Variants in PAQR3 observed in about 807,000 individuals in gnomAD.
The protein encoded by PAQR3 is progestin and adipoQ receptor family member 3.
A neutral mutation model predicts 41.7 loss-of-function variants in PAQR3; 39 were observed. The ratio of observed to expected loss-of-function variants is 0.93; its 90% confidence interval spans 0.72 to 1.22. The LOEUF (loss-of-function observed/expected upper bound fraction) is 1.22. Among genes scored for constraint, PAQR3 ranks in the 50% most tolerant of loss-of-function variants. The probability of loss-of-function intolerance (pLI) is 0.00; values close to 1 mark genes in which losing one functional copy is unlikely to be tolerated. For missense variants in PAQR3, 366 were observed against 385.6 expected (o/e 0.95, Z 0.42); for synonymous variants, 140 against 140.6 (o/e 1.00, Z 0.03).
In PAQR3 at chr4:78,914,283, C is replaced by T. The variant is rs1734855801; in HGVS notation, c.*6256G>A. 2 of 151,962 alleles carry T rather than the reference C, an allele frequency of 1.3e-5. No individual in the cohort carries two copies. Among genetic ancestry groups the T allele is most frequent in the African/African-American group, 4.8e-5 (2 of 41,384 alleles). The allele number at this position is 151,962 out of a possible 1,614,324, so 9.4% of individuals were successfully genotyped here. On this transcript the variant is annotated 3_prime_UTR_variant, in exon 6 of 6. Coordinates refer to ENST00000512733, the MANE Select transcript of PAQR3 (RefSeq NM_001040202.2). ...AATGATTCTGACACTGATGTAGACCCTTTGACTTATAAATTCTGAGGAAAC... is the reference window on the plus strand; with the variant it reads ...AATGATTCTGACACTGATGTAGACCTTTTGACTTATAAATTCTGAGGAAAC...
At chr4:78,887,389 A>G (rs1243171463) in intron 12 of PAQR3, 3 of 803,252 alleles carry the variant, frequency 3.7e-6, no homozygotes, top group Non-Finnish European at 6.1e-6. Context: ...TTAGCTACAG[A>G]AAGTAGAAAA....
At chr4:78,896,866 C>G (rs189327164) in intron 11 of PAQR3, among the ~76,000 whole-genome samples, 2 of 152,236 alleles carry the variant, frequency 1.3e-5, no homozygotes, top group Non-Finnish European at 2.9e-5. Context: ...TAGAGGAGGA[C>G]TAATGGCCAA....
intron 11 of PAQR3, among the ~76,000 whole-genome samples, chr4:78,893,385 G>T (rs1365381843): frequency 6.6e-6 from 1 of 152,146 alleles, no homozygotes; most frequent in Non-Finnish European, 1.5e-5. Flanking sequence ...ATCCATGAGG[G>T]TTGGAGTCAA....
chr4:78,911,448 G>A, downstream of PAQR3: 3 of 1,614,032 alleles, frequency 1.9e-6, no homozygotes, highest in Admixed American at 3.3e-5. Flanking sequence ...GGAGCCAGCA[G>A]CAAAAAGTCA....
At chr4:78,910,786 G>C (rs891493088), downstream of PAQR3, 5 of 1,613,750 alleles carry the variant, frequency 3.1e-6, no homozygotes, top group Non-Finnish European at 3.4e-6. Flanking sequence ...TTTTGAATCA[G>C]ATCCCCCTTC....
rs771667282 is a variant in PAQR3 at position 78,939,171 on chromosome 4, C to T, written c.54G>A (p.Gln18=). The T allele has an allele frequency of 3.1e-6, 5 of 1,612,734 alleles. No individual in the cohort carries two copies. Among genetic ancestry groups the T allele is most frequent in the Non-Finnish European group, 3.4e-6 (4 of 1,179,464 alleles). The part of the protein sequence containing the change: ...SAHYIELGSY[Q]YWPVLVPRGI... The stretch of plus-strand genomic sequence containing the variant: ...CACGGGGCACCAGGACCGGCCAGTA[C>T]TGGTAGCTGCCCAGCTCGATGTAAT... The change falls in exon 1 of 6, where the codon CAG becomes CAA. Residue 18 remains glutamine, a synonymous_variant. Transcript: ENST00000512733.
intron 11 of PAQR3, among the ~76,000 whole-genome samples, chr4:78,897,750 G>A (rs1445855535): frequency 6.6e-6 from 1 of 151,914 alleles, no homozygotes; most frequent in Non-Finnish European, 1.5e-5. Flanking sequence ...TAATTTCCCA[G>A]CCGTGATTAA....
chr4:78,905,754 T>C (rs572328368), intron 11 of PAQR3, among the ~76,000 whole-genome samples: 175 of 152,148 alleles, frequency 1.2e-3, no homozygotes, highest in African/African-American at 4.1e-3. Context: ...ATGTGTATTA[T>C]TTAATCTAAC....
At chr4:78,891,882 C>G (rs958883832) in intron 11 of PAQR3, among the ~76,000 whole-genome samples, 1 of 152,122 alleles carries the variant, frequency 6.6e-6, no homozygotes, top group Non-Finnish European at 1.5e-5. Context: ...ATACAGATTA[C>G]TGAGTCTAAA....
chr4:78,926,226 C>T (rs1322367087), intron 4 of PAQR3, among the ~76,000 whole-genome samples: 4 of 152,104 alleles, frequency 2.6e-5, no homozygotes, highest in Admixed American at 2.6e-4. Flanking sequence ...CTTTGGAGTC[C>T]TCCTCCACAA....
rs906765782 is a variant in PAQR3 at position 78,915,066 on chromosome 4, G to A, written c.*5473C>T. 1 of 151,984 alleles carries A rather than the reference G, an allele frequency of 6.6e-6. No homozygotes were observed. Among genetic ancestry groups the A allele is most frequent in the Non-Finnish European group, 1.5e-5 (1 of 67,918 alleles). The allele number at this position is 151,984 out of a possible 1,614,324, so 9.4% of individuals were successfully genotyped here. A position where few individuals can be genotyped will look rare whatever the true frequency, so the allele number is the denominator to read the frequency against. On this transcript the variant is annotated 3_prime_UTR_variant, in exon 6 of 6. Coordinates refer to ENST00000512733, the MANE Select transcript of PAQR3 (RefSeq NM_001040202.2). ...TAAGTATAATAGGTGGAGGAGGAAA[G>A]GTTGTAGGCCGGATGAAAATTTAAC...
chr4:78,900,913 T>C (rs1733966509), intron 11 of PAQR3, among the ~76,000 whole-genome samples: 2 of 152,174 alleles, frequency 1.3e-5, no homozygotes, highest in South Asian at 4.1e-4. Context: ...ATTTGCCTTT[T>C]ATGGCAGGTT....
Position 78,918,780 on chromosome 4 carries a change from T to C in PAQR3, c.*1759A>G. 3.0e-6 allele frequency: 3 copies of C among 984,286 alleles called. No individual in the cohort carries two copies. Among genetic ancestry groups the C allele is most frequent in the Non-Finnish European group, 3.6e-6 (3 of 829,018 alleles). The allele number at this position is 984,286 out of a possible 1,614,324, so 61.0% of individuals were successfully genotyped here. ...ATTTTCCCCTCATTTTTAACTTAAGTGTAACTACTCAGTGTCTTTTGTTTG... is the reference window on the plus strand; with the variant it reads ...ATTTTCCCCTCATTTTTAACTTAAGCGTAACTACTCAGTGTCTTTTGTTTG... On this transcript the variant is annotated 3_prime_UTR_variant, in exon 6 of 6. Coordinates refer to ENST00000512733, the MANE Select transcript of PAQR3 (RefSeq NM_001040202.2).
At chr4:78,922,036 C>T (rs1735705954) in intron 5 of PAQR3, 1 of 1,018,312 alleles carries the variant, frequency 9.8e-7, no homozygotes, top group African/African-American at 1.7e-5. Context: ...TGGTCATAAT[C>T]ACATAGAGAA....
chr4:78,922,076 G>A (rs2170243), intron 5 of PAQR3: 54,209 of 1,035,018 alleles, frequency 0.052, 1,880 homozygotes, highest in East Asian at 0.22. Flanking sequence ...TACTTGTCTT[G>A]CTATAAAGAA....
intron 3 of PAQR3, among the ~76,000 whole-genome samples, chr4:78,928,035 C>T (rs76838768): frequency 0.069 from 10,572 of 152,196 alleles, 1,195 homozygotes; most frequent in African/African-American, 0.24. Flanking sequence ...AATTTTTCAA[C>T]GATCATGGAC....
At chr4:78,890,763 A>G (rs1733391041) in intron 11 of PAQR3, among the ~76,000 whole-genome samples, 2 of 152,282 alleles carry the variant, frequency 1.3e-5, no homozygotes, top group South Asian at 4.1e-4. Flanking sequence ...TGGAGCTGTC[A>G]CACTTATAAT....
chr4:78,926,739 A>G (rs1736280720), intron 3 of PAQR3, 21 bp from the exon 4 acceptor site: 5 of 1,599,990 alleles, frequency 3.1e-6, no homozygotes, highest in Middle Eastern at 1.7e-4. Flanking sequence ...AGGAAATCAC[A>G]TTTTAATTCT....
chr4:78,905,005 T>G (rs1734214422), intron 11 of PAQR3, among the ~76,000 whole-genome samples: 1 of 151,938 alleles, frequency 6.6e-6, no homozygotes, highest in African/African-American at 2.4e-5. Flanking sequence ...TAACTCTATA[T>G]TTTTGTATAA....
Sources: gnomAD v4.1 joint callset for allele counts (sites outside exome capture counted in the v4.1 genomes callset) on GRCh38, gnomAD v4.1.1 for gene constraint, MANE v1.5 for transcripts, NCBI Gene and HGNC (gene_info 2026-07-23, HGNC 2026-07-21) for gene names.